Variants in UBE2V2 observed in about 807,000 individuals in gnomAD.
UBE2V2 encodes the protein ubiquitin conjugating enzyme E2 V2.
Under a neutral mutation model 17.2 loss-of-function variants are expected in UBE2V2, and 9 were observed. The observed-to-expected ratio is 0.52, with a 90% CI of 0.32 to 0.91. UBE2V2 has a LOEUF of 0.91. Ranked by LOEUF, UBE2V2 falls within the 40% of genes least tolerant of loss-of-function variation. The pLI, the probability that UBE2V2 is intolerant of heterozygous loss-of-function variation, is 0.04. For synonymous variants in UBE2V2, 61 were observed against 57.5 expected (o/e 1.06, Z -0.28); for missense variants, 133 against 182.6 (o/e 0.73, Z 1.56).
chr8:48,002,046 G>A, the UBE2V2 span, among the ~76,000 whole-genome samples: 4 of 151,764 alleles, frequency 2.6e-5, no homozygotes, highest in African/African-American at 7.3e-5. Flanking sequence ...CTGAGATTGC[G>A]CTATTGCATG....
intron 1 of UBE2V2, among the ~76,000 whole-genome samples, chr8:48,021,471 T>C (rs2091305210): frequency 6.6e-6 from 1 of 151,764 alleles, no homozygotes; most frequent in Non-Finnish European, 1.5e-5. Flanking sequence ...CACGCCCGGC[T>C]AATATTTTGT....
intron 1 of UBE2V2, among the ~76,000 whole-genome samples, chr8:48,034,595 CAATT>C (rs1408622641): frequency 1.4e-5 from 2 of 138,694 alleles, no homozygotes; most frequent in Non-Finnish European, 3.1e-5. Context: ...AACTTATACA[CAATT>C]AATATAATTC....
intron 1 of UBE2V2, chr8:48,034,912 C>A (rs1422068325): frequency 4.1e-6 from 2 of 492,156 alleles, no homozygotes; most frequent in Non-Finnish European, 5.3e-6. Flanking sequence ...AGGCTTGTTG[C>A]CCGGGACGCC....
intron 1 of UBE2V2, among the ~76,000 whole-genome samples, chr8:48,027,007 C>T (rs1247296973): frequency 5.9e-5 from 9 of 151,994 alleles, no homozygotes; most frequent in African/African-American, 2.2e-4. Context: ...TTTTTCGAGA[C>T]GGAGTCTCGC....
chr8:48,060,165 G>C (rs1384522087), intron 3 of UBE2V2, among the ~76,000 whole-genome samples: 5 of 133,518 alleles, frequency 3.7e-5, no homozygotes, highest in Non-Finnish European at 6.1e-5. Flanking sequence ...AGCCAGGATC[G>C]CACCACTGTA....
chr8:47,999,979 ATGC>A, the UBE2V2 span, among the ~76,000 whole-genome samples: 1 of 152,230 alleles, frequency 6.6e-6, no homozygotes, highest in Non-Finnish European at 1.5e-5. Flanking sequence ...GATTTTCACA[ATGC>A]TTTTCCATAC....
intron 1 of UBE2V2, among the ~76,000 whole-genome samples, chr8:48,037,973 G>GTGCC (rs2091435726): frequency 1.3e-5 from 2 of 152,124 alleles, no homozygotes; most frequent in Non-Finnish European, 2.9e-5. Flanking sequence ...ATTGCTAAGG[G>GTGCC]TGCCCTTCCA....
chr8:48,049,615 T>G (rs2091521643), intron 2 of UBE2V2: 2 of 301,708 alleles, frequency 6.6e-6, no homozygotes, highest in South Asian at 1.5e-4. Context: ...CTTTGTAGAA[T>G]TAATTTTGTA....
the UBE2V2 span, among the ~76,000 whole-genome samples, chr8:47,998,383 A>G: frequency 6.6e-6 from 1 of 151,972 alleles, no homozygotes; most frequent in Middle Eastern, 3.4e-3. Context: ...TTCCTGGGGA[A>G]CTTGTCTGGA....
At chr8:48,046,771 G>T (rs1236439870) in intron 2 of UBE2V2, among the ~76,000 whole-genome samples, 4 of 151,764 alleles carry the variant, frequency 2.6e-5, no homozygotes, top group African/African-American at 9.7e-5. Flanking sequence ...TAATTTGTGT[G>T]TGTGTGTGTG....
chr8:48,033,755 C>T (rs558474329), intron 1 of UBE2V2, among the ~76,000 whole-genome samples: 67 of 151,688 alleles, frequency 4.4e-4, no homozygotes, highest in Non-Finnish European at 6.6e-4. Context: ...CCCAGGAGTT[C>T]GAGACTAGCC....
Position 48,046,983 on chromosome 8 carries a change from C to T in UBE2V2, c.166-2870C>T, listed in dbSNP as rs545851159. On this transcript the variant is annotated intron_variant, in intron 2 of 3. Transcript: ENST00000523111. ...GAGATGGAGCTTTGCTCTTGTTGCC[C>T]AGGCTGGAGTTCAGTGACACTATCT... is the stretch of plus-strand genomic sequence containing the variant. Among the ~76,000 whole-genome samples, 6 of 151,662 alleles carry T rather than the reference C, an allele frequency of 4.0e-5. No homozygotes were observed. The South Asian group carries it at 1.3e-3, about 32-fold the overall frequency.
rs554997145 is a variant in UBE2V2, at chr8:48,031,410, A to G, written c.17-11623A>G. On this transcript the variant is annotated intron_variant, in intron 1 of 3. Transcript: ENST00000523111. ...ATTTTCCCCTTATCTAGCTGAGTTA[A>G]TATCTAACAAATAGATTCTAAATGA... Among the ~76,000 whole-genome samples, 15 of 152,320 alleles carry G rather than the reference A, an allele frequency of 9.8e-5. No individual in the cohort carries two copies. The East Asian group carries it at 1.5e-3, about 16-fold the overall frequency.
the UBE2V2 span, among the ~76,000 whole-genome samples, chr8:47,999,684 A>G: frequency 6.6e-6 from 1 of 152,134 alleles, no homozygotes; most frequent in African/African-American, 2.4e-5. Flanking sequence ...ATCTAAAGCC[A>G]GCATCTGGTA....
chr8:48,016,403 G>A (rs2091269441), intron 1 of UBE2V2, among the ~76,000 whole-genome samples: 1 of 152,010 alleles, frequency 6.6e-6, no homozygotes, highest in Admixed American at 6.6e-5. Flanking sequence ...TTCTCCATAT[G>A]GTTGTACTAA....
At chr8:48,041,605 T>A (rs2091464797) in intron 1 of UBE2V2, 1 of 152,182 alleles carries the variant, frequency 6.6e-6, no homozygotes. Flanking sequence ...GAAATCAGGC[T>A]AAAATCACCT....
At chr8:48,008,317 T>C, upstream of UBE2V2, 1 of 1,194,786 alleles carries the variant, frequency 8.4e-7, no homozygotes, top group Non-Finnish European at 1.1e-6. Context: ...TCGGCCCACG[T>C]GCGCGCTGTC....
Position 48,043,261 on chromosome 8 carries a change from A to G in UBE2V2, c.165+80A>G, listed in dbSNP as rs2091476503. 4 of 1,091,776 alleles carry G rather than the reference A, an allele frequency of 3.7e-6. No individual in the cohort carries two copies. The Admixed American group carries it at 9.2e-5, about 25-fold the overall frequency. 67.6% of individuals were successfully genotyped at this position (1,091,776 alleles called of 1,614,324 possible). A position where few individuals can be genotyped will look rare whatever the true frequency, so the allele number is the denominator to read the frequency against. On this transcript the variant is annotated intron_variant, in intron 2 of 3. Transcript: ENST00000523111. The stretch of plus-strand genomic sequence containing the variant: ...TTAATTTTATACTATTGATATTAAA[A>G]TAAGCAATTATGATAACTTCTAAAA...
At chr8:48,040,040 CTTTT>C (rs56888818) in intron 1 of UBE2V2, among the ~76,000 whole-genome samples, 1 of 140,326 alleles carries the variant, frequency 7.1e-6, no homozygotes, top group Non-Finnish European at 1.6e-5. Flanking sequence ...GCCTTTTCTA[CTTTT>C]TTTTTTTTTT....
Sources: gnomAD v4.1 joint callset for allele counts (sites outside exome capture counted in the v4.1 genomes callset) on GRCh38, gnomAD v4.1.1 for gene constraint, MANE v1.5 for transcripts, NCBI Gene and HGNC (gene_info 2026-07-23, HGNC 2026-07-21) for gene names.